The following PXDN variants were observed in gnomAD, a reference collection of about 807,000 sequenced individuals.
The protein encoded by PXDN is peroxidasin homolog.
In PXDN, 77 loss-of-function variants were observed where a neutral mutation model predicts 140.3. The ratio of observed to expected loss-of-function variants is 0.55; its 90% CI spans 0.46 to 0.66. The LOEUF (loss-of-function observed/expected upper bound fraction) is 0.66. PXDN is among the 30% of genes least tolerant of loss of function. PXDN has a pLI of 0.00. For missense variants in PXDN, 1,838 were observed against 2,039.5 expected (o/e 0.90, Z 1.90); for synonymous variants, 911 against 857.4 (o/e 1.06, Z -1.09).
At position 1,649,651 on chromosome 2, in the gene PXDN, G is replaced by T; in HGVS notation, c.2129C>A (p.Ser710Tyr). ...GTSYHYNDLV[S>Y]PQYLNLIANL... ...TGCGATGAGGTTCAGGTACTGTGGA[G>T]ACACCAGGTCGTTGTAGTGGTAACC... Residue 710 changes from serine (S) to tyrosine (Y), a missense_variant, in exon 17 of 23, where the codon TCT becomes TAT. This residue lies in a region of PXDN where 537 missense variants were observed against 583.9 expected (regional missense o/e 0.92). Transcript: ENST00000252804. This position sits in a 1 kb window ranked among gnomAD's most constrained non-coding sequence, Gnocchi z 7.1. The T allele has an allele frequency of 6.2e-7, 1 of 1,613,970 alleles. No individual in the cohort carries two copies. Among genetic ancestry groups the T allele is most frequent in the Non-Finnish European group, 8.5e-7 (1 of 1,179,900 alleles).
At chr2:1,643,659 C>T in intron 18 of PXDN, 83 bp from the exon 19 acceptor site, 1 of 1,448,174 alleles carries the variant, frequency 6.9e-7, no homozygotes, top group South Asian at 1.2e-5. Flanking sequence ...ATCTCCCCTG[C>T]TTAGTTCACA....
chr2:1,642,506 C>T (rs1169326824), intron 19 of PXDN, among the ~76,000 whole-genome samples: 1 of 152,212 alleles, frequency 6.6e-6, no homozygotes, highest in African/African-American at 2.4e-5. Context: ...TCTGGCCCCA[C>T]CTCCCGGTCA....
At chr2:1,715,311 A>C (rs9917191) in intron 1 of PXDN, among the ~76,000 whole-genome samples, 59,745 of 151,892 alleles carry the variant, frequency 0.39, 13,582 homozygotes, top group East Asian at 0.9. Context: ...CAGGAACTCC[A>C]CATTTCCCGC....
At chr2:1,702,819 G>A (rs925353904) in intron 1 of PXDN, among the ~76,000 whole-genome samples, 4 of 152,082 alleles carry the variant, frequency 2.6e-5, no homozygotes, top group Non-Finnish European at 5.9e-5. Context: ...TAGAGATGAG[G>A]TTTCACCGAG....
chr2:1,711,188 G>A (rs866699712), intron 1 of PXDN, among the ~76,000 whole-genome samples: 6 of 34,178 alleles, frequency 1.8e-4, no homozygotes, highest in East Asian at 9.1e-4. Flanking sequence ...ACCAGCACCC[G>A]CTCCACCAGC....
chr2:1,643,589 A>G lies in PXDN; in HGVS notation c.3744-13T>C, dbSNP rs577667960. 6.2e-6 allele frequency: 10 copies of G among 1,613,140 alleles called. No homozygotes were observed. Among genetic ancestry groups the G allele is most frequent in the South Asian group, 3.3e-5 (3 of 91,078 alleles). ...CTCATACCACAACCTGGATCCCCCA[A>G]AATGAAAGCAGGATCAGAGAAGGGC... On this transcript the variant is annotated splice_polypyrimidine_tract_variant and intron_variant, in intron 18 of 22. Transcript: ENST00000252804.
At chr2:1,693,750 C>T (rs930421323) in intron 1 of PXDN, among the ~76,000 whole-genome samples, 4 of 152,302 alleles carry the variant, frequency 2.6e-5, no homozygotes, top group Admixed American at 6.5e-5. Context: ...ATTCATATTT[C>T]GGGGGTGGAG....
At chr2:1,700,719 C>CA (rs1246295430) in intron 1 of PXDN, among the ~76,000 whole-genome samples, 2 of 151,852 alleles carry the variant, frequency 1.3e-5, no homozygotes, top group Non-Finnish European at 2.9e-5. Flanking sequence ...ACTAAAAATA[C>CA]AAAAAATTAG....
intron 12 of PXDN, among the ~76,000 whole-genome samples, chr2:1,662,742 G>A (rs2125424660): frequency 6.6e-6 from 1 of 152,288 alleles, no homozygotes; most frequent in Non-Finnish European, 1.5e-5. Flanking sequence ...GCAAACCCAA[G>A]AAACACAGAG....
At chr2:1,710,693 A>G (rs1295922958) in intron 1 of PXDN, among the ~76,000 whole-genome samples, 9 of 114,650 alleles carry the variant, frequency 7.8e-5, no homozygotes, top group African/African-American at 3.0e-4. Context: ...CACTCTATGA[A>G]CACCCACTCT....
intron 6 of PXDN, among the ~76,000 whole-genome samples, chr2:1,682,939 CA>C (rs34275022): frequency 6.0e-5 from 9 of 150,794 alleles, no homozygotes; most frequent in Non-Finnish European, 1.3e-4. Flanking sequence ...AACTCTGTCT[CA>C]AAAAAAAGGG....
intron 1 of PXDN, among the ~76,000 whole-genome samples, chr2:1,713,853 AT>A (rs1684838019): frequency 6.6e-6 from 1 of 152,204 alleles, no homozygotes; most frequent in Non-Finnish European, 1.5e-5. Flanking sequence ...CACTGACCCC[AT>A]TTTTTTGGTA....
At chr2:1,693,843 A>G (rs1248899229) in intron 1 of PXDN, among the ~76,000 whole-genome samples, 7 of 152,176 alleles carry the variant, frequency 4.6e-5, no homozygotes, top group Admixed American at 4.6e-4. Flanking sequence ...AAAGAGAAAC[A>G]CTTCAATTCC....
chr2:1,674,676 G>T (rs900484116), intron 8 of PXDN, among the ~76,000 whole-genome samples: 4 of 152,180 alleles, frequency 2.6e-5, no homozygotes, highest in Admixed American at 2.6e-4. Flanking sequence ...GGAGAGAGGT[G>T]ACATTGGATG....
In PXDN at chr2:1,736,834, T is replaced by C. The variant is rs561826092; in HGVS notation, c.200+7422A>G. Among the ~76,000 whole-genome samples, 10 of 152,302 alleles carry C rather than the reference T, an allele frequency of 6.6e-5. No homozygotes were observed. The South Asian group carries it at 2.1e-3, about 32-fold the overall frequency. ...ACTTTAAGTATGTGCCCTTTTAAAATGTCAATTATGTCTGATAAGAGTTTT... is the reference window on the plus strand; with the variant it reads ...ACTTTAAGTATGTGCCCTTTTAAAACGTCAATTATGTCTGATAAGAGTTTT... On this transcript the variant is annotated intron_variant, in intron 1 of 22. Coordinates refer to ENST00000252804, the MANE Select transcript of PXDN (RefSeq NM_012293.3).
In PXDN at chr2:1,639,063, CCGCCCCTG is replaced by C. The variant is rs1232453564; in HGVS notation, c.4074-93_4074-86del. Reference sequence around the variant, plus strand: ...CATTTCAAGGTTTCCTGGGTGTGCACCGCCCCTGATGCTCTGAGCTGGGTCTCATTTCA... The same window carrying C: ...CATTTCAAGGTTTCCTGGGTGTGCACATGCTCTGAGCTGGGTCTCATTTCA... On this transcript the variant is annotated intron_variant, in intron 20 of 22. Transcript: ENST00000252804. The surrounding 1 kb of genome is among the most constrained non-coding windows in gnomAD (Gnocchi z 5.0). The C allele has an allele frequency of 7.1e-3, 2,084 of 293,880 alleles. 37 individuals are homozygous for C. The African/African-American group carries it at 0.085, about 12-fold the overall frequency. The allele number at this position is 293,880 out of a possible 1,614,324, so 18.2% of individuals were successfully genotyped here.
Position 1,660,961 on chromosome 2 carries a change from G to A in PXDN, c.1757C>T (p.Pro586Leu), listed in dbSNP as rs1360025702. The A allele has an allele frequency of 6.2e-7, 1 of 1,614,024 alleles. No homozygotes were observed. Among genetic ancestry groups the A allele is most frequent in the South Asian group, 1.1e-5 (1 of 91,080 alleles). ...ACACTCATAGCGACCTGCGTCTGCA[G>A]GGCCAACGTCATTGATGGTCAAGAA... ...EGFLTINDVG[P>L]ADAGRYECVA... The change falls in exon 14 of 23, where the codon CCT becomes CTT. Residue 586 changes from proline to leucine, a missense_variant. By Grantham distance (98) the Pro-to-Leu change is moderately conservative. This residue lies in a region of PXDN where 537 missense variants were observed against 583.9 expected (regional missense o/e 0.92). Coordinates refer to ENST00000252804, the MANE Select transcript of PXDN (RefSeq NM_012293.3). The surrounding 1 kb of genome is among the most constrained non-coding windows in gnomAD (Gnocchi z 4.6).
At position 1,687,121 on chromosome 2, in the gene PXDN, A is replaced by G. The variant is rs948815055; in HGVS notation, c.416+511T>C. Among the ~76,000 whole-genome samples, 3 of 152,374 alleles carry G rather than the reference A, an allele frequency of 2.0e-5. No homozygotes were observed. Among genetic ancestry groups the G allele is most frequent in the East Asian group, 3.9e-4 (2 of 5,182 alleles). On this transcript the variant is annotated intron_variant, in intron 4 of 22. Transcript: ENST00000252804. The surrounding 1 kb of genome is among the most constrained non-coding windows in gnomAD (Gnocchi z 4.0). ...GAGCGTTTCATGACACACTGCATAC[A>G]CTAACTAGAACTACAAGGGAAAGAA... is the stretch of plus-strand genomic sequence containing the variant.
intron 14 of PXDN, among the ~76,000 whole-genome samples, chr2:1,657,867 G>A (rs1400972839): frequency 1.5e-5 from 2 of 131,328 alleles, no homozygotes; most frequent in East Asian, 2.3e-4. Flanking sequence ...TGACAAGGAC[G>A]TGCCCCCTCC....
Sources: allele counts gnomAD v4.1 joint callset (sites outside exome capture counted in the v4.1 genomes callset), GRCh38; gene constraint gnomAD v4.1.1; regional missense constraint gnomAD v4.1.1; non-coding constraint Gnocchi (gnomAD v3.1); transcripts MANE v1.5; gene names NCBI Gene and HGNC (gene_info 2026-07-23, HGNC 2026-07-21).